GNPTAB: variants seen among roughly 807,000 people sequenced by gnomAD.
The protein encoded by GNPTAB is N-acetylglucosamine-1-phosphotransferase subunits alpha/beta.
Under a neutral mutation model 136.6 loss-of-function variants are expected in GNPTAB, and 92 were observed. The ratio of observed to expected loss-of-function variants is 0.67; its 90% CI spans 0.57 to 0.80. The LOEUF is 0.80. Ranked by LOEUF, GNPTAB falls within the 30% of genes least tolerant of loss-of-function variation. GNPTAB has a pLI of 0.00. For synonymous variants in GNPTAB, 512 were observed against 535.1 expected (o/e 0.96, Z 0.60); for missense variants, 1,343 against 1,501.8 (o/e 0.89, Z 1.75).
intron 5 of GNPTAB, among the ~76,000 whole-genome samples, chr12:101,782,541 A>C (rs1868399758): frequency 6.6e-6 from 1 of 152,178 alleles, no homozygotes; most frequent in African/African-American, 2.4e-5. Flanking sequence ...CCCTGGTCTA[A>C]GCAACCTTCC....
chr12:101,821,533 A>C (rs959472096), intron 1 of GNPTAB, among the ~76,000 whole-genome samples: 5 of 152,200 alleles, frequency 3.3e-5, no homozygotes, highest in Admixed American at 3.3e-4. Context: ...GTGTTGGGCC[A>C]AGATGCAAAG....
intron 1 of GNPTAB, among the ~76,000 whole-genome samples, chr12:101,816,801 C>T (rs1212828371): frequency 6.6e-6 from 1 of 152,152 alleles, no homozygotes; most frequent in Non-Finnish European, 1.5e-5. Context: ...AGCTAAGTGT[C>T]CATCAATGGA....
At chr12:101,828,500 A>T (rs1871217031) in intron 1 of GNPTAB, among the ~76,000 whole-genome samples, 1 of 152,156 alleles carries the variant, frequency 6.6e-6, no homozygotes. Context: ...TCTACTAAAA[A>T]TACAAAAAAT....
intron 1 of GNPTAB, among the ~76,000 whole-genome samples, chr12:101,821,465 T>G (rs573914871): frequency 3.3e-5 from 5 of 152,308 alleles, no homozygotes; most frequent in African/African-American, 1.2e-4. Flanking sequence ...AAGCTGTGCA[T>G]GTAAAAATAA....
intron 2 of GNPTAB, among the ~76,000 whole-genome samples, chr12:101,790,344 T>C (rs1444906491): frequency 6.6e-6 from 1 of 152,198 alleles, no homozygotes. Context: ...TTAAAGATTG[T>C]TCGTGGGTGA....
chr12:101,780,771 A>T, intron 5 of GNPTAB, 150 bp from the exon 6 acceptor site: 1 of 676,996 alleles, frequency 1.5e-6, no homozygotes. Context: ...AAATTAGCCC[A>T]TTCAACAAAA....
intron 1 of GNPTAB, among the ~76,000 whole-genome samples, chr12:101,827,118 C>T (rs918074517): frequency 6.6e-6 from 1 of 151,946 alleles, no homozygotes; most frequent in African/African-American, 2.4e-5. Context: ...CCACACCTAG[C>T]TAACTTTTTT....
chr12:101,767,832 G>A (rs911436522), intron 11 of GNPTAB: 2 of 666,524 alleles, frequency 3.0e-6, no homozygotes, highest in African/African-American at 1.8e-5. Context: ...TGCCCAAGCT[G>A]GTCTTGAACT....
rs1953071505 is a variant in GNPTAB at position 101,765,221 on chromosome 12, A to T, written c.1696T>A (p.Phe566Ile). 3.1e-6 allele frequency: 5 copies of T among 1,614,114 alleles called. No individual in the cohort carries two copies. The highest frequency in any genetic ancestry group is 4.2e-6 in the Non-Finnish European group (5 of 1,179,970). The change falls in exon 13 of 21, where the codon TTC becomes ATC. Residue 566 changes from phenylalanine (F) to isoleucine (I), a missense_variant. Phe to Ile is a conservative substitution (Grantham distance 21). Transcript: ENST00000299314. Reference protein sequence around the residue: ...IIPKGECLPYFSFAEVAKRGV... With the variant: ...IIPKGECLPYISFAEVAKRGV... ...CTTTTGGCTACTTCTGCAAAGCTGA[A>T]ATAAGGCAGGCATTCACCTTTTGGA...
chr12:101,783,919 T>C (rs1385148039), intron 5 of GNPTAB, among the ~76,000 whole-genome samples: 2 of 151,664 alleles, frequency 1.3e-5, no homozygotes, highest in Non-Finnish European at 2.9e-5. Flanking sequence ...GGTTTTGCCA[T>C]GTTACCAAGT....
At chr12:101,797,305 C>T (rs946204425) in intron 1 of GNPTAB, among the ~76,000 whole-genome samples, 1 of 151,972 alleles carries the variant, frequency 6.6e-6, no homozygotes, top group Admixed American at 6.6e-5. Context: ...AGACTCTTCT[C>T]AGAGCATTTA....
At chr12:101,806,868 A>AC in intron 1 of GNPTAB, among the ~76,000 whole-genome samples, 1 of 152,270 alleles carries the variant, frequency 6.6e-6, no homozygotes, top group Middle Eastern at 3.4e-3. Flanking sequence ...AAAAAATGAT[A>AC]CCACTTCTCT....
At chr12:101,820,081 T>C (rs993806509) in intron 1 of GNPTAB, among the ~76,000 whole-genome samples, 1 of 152,182 alleles carries the variant, frequency 6.6e-6, no homozygotes, top group African/African-American at 2.4e-5. Context: ...GATGGGACAG[T>C]TGGCACTTAA....
rs746328560 is a variant in GNPTAB, at chr12:101,771,171, A to G, written c.772-14T>C. 1.2e-6 allele frequency: 2 copies of G among 1,609,500 alleles called. No homozygotes were observed. Among genetic ancestry groups the G allele is most frequent in the South Asian group, 1.1e-5 (1 of 90,990 alleles). ...ATACAACTGCAACTATCAAATAACA[A>G]GAGGATTACACATGAAAAGACTGAA... On this transcript the variant is annotated splice_polypyrimidine_tract_variant and intron_variant, in intron 7 of 20. Coordinates refer to ENST00000299314, the MANE Select transcript of GNPTAB (RefSeq NM_024312.5).
intron 1 of GNPTAB, among the ~76,000 whole-genome samples, chr12:101,812,524 G>A (rs941233133): frequency 6.6e-5 from 10 of 152,160 alleles, no homozygotes; most frequent in Admixed American, 1.3e-4. Flanking sequence ...CGGAAGCTGA[G>A]GTGGGAGGAC....
intron 11 of GNPTAB, among the ~76,000 whole-genome samples, chr12:101,766,691 G>A (rs968918811): frequency 6.6e-6 from 1 of 152,144 alleles, no homozygotes; most frequent in Non-Finnish European, 1.5e-5. Context: ...ATGTTTTCAA[G>A]GTTGATGTGT....
chr12:101,825,279 C>T (rs1010170359), intron 1 of GNPTAB, among the ~76,000 whole-genome samples: 1 of 152,194 alleles, frequency 6.6e-6, no homozygotes, highest in African/African-American at 2.4e-5. Context: ...ACAGCATCTT[C>T]CACTGTACAG....
intron 19 of GNPTAB, among the ~76,000 whole-genome samples, chr12:101,750,501 C>T (rs1952800428): frequency 6.6e-6 from 1 of 152,254 alleles, no homozygotes; most frequent in Non-Finnish European, 1.5e-5. Flanking sequence ...AGAGCACCCA[C>T]ACCTGATTCA....
At chr12:101,780,745 G>A in intron 5 of GNPTAB, 124 bp from the exon 6 acceptor site, 1 of 723,432 alleles carries the variant, frequency 1.4e-6, no homozygotes, top group East Asian at 2.7e-5. Flanking sequence ...CCAAAAAAAG[G>A]AAGCTGAAGG....
Sources: gnomAD v4.1 joint callset for allele counts (sites outside exome capture counted in the v4.1 genomes callset) on GRCh38, gnomAD v4.1.1 for gene constraint, MANE v1.5 for transcripts, NCBI Gene and HGNC (gene_info 2026-07-23, HGNC 2026-07-21) for gene names.